Variants in CDK13 observed in about 807,000 individuals in gnomAD.
CDK13 encodes cyclin dependent kinase 13.
In CDK13, 40 loss-of-function variants were observed where a neutral mutation model predicts 137.6. That is an observed-to-expected ratio of 0.29 (90% CI 0.23 to 0.38). The LOEUF (loss-of-function observed/expected upper bound fraction) is 0.38, where lower values mean the gene tolerates loss of function less well. CDK13 is among the 10% of genes least tolerant of loss of function. The pLI, the probability that CDK13 is intolerant of heterozygous loss-of-function variation, is 1.00. For synonymous variants in CDK13, 869 were observed against 760.1 expected (o/e 1.14, Z -2.36); for missense variants, 1,704 against 1,951.8 (o/e 0.87, Z 2.39).
At chr7:39,996,892 A>T (rs1438135677) in intron 2 of CDK13, among the ~76,000 whole-genome samples, 2 of 132,308 alleles carry the variant, frequency 1.5e-5, no homozygotes, top group East Asian at 5.5e-4. Flanking sequence ...TGAACCCAGG[A>T]GGTGGAGGTT....
In CDK13 at chr7:39,951,124, G is replaced by C. The variant is rs1459641184; in HGVS notation, c.483G>C (p.Gly161=). Residue 161 remains glycine, a synonymous_variant, in exon 1 of 14, where the codon GGG becomes GGC. Transcript: ENST00000181839. Reference sequence around the variant, plus strand: ...CCGAGCAGGGGCTGCTGCTGGGGGGGGCCAGCGCGGCAACGGCGGCGACGG... The same window carrying C: ...CCGAGCAGGGGCTGCTGCTGGGGGGCGCCAGCGCGGCAACGGCGGCGACGG... The part of the protein sequence containing the change: ...SQSEQGLLLG[G]ASAATAATAA... 3.2e-6 allele frequency: 4 copies of C among 1,244,122 alleles called. No homozygotes were observed. The highest frequency in any genetic ancestry group is 4.0e-6 in the Non-Finnish European group (4 of 995,412). 77.1% of individuals were successfully genotyped at this position (1,244,122 alleles called of 1,614,324 possible).
chr7:40,078,492 G>C (rs574674608), intron 10 of CDK13: 265 of 275,334 alleles, frequency 9.6e-4, no homozygotes, highest in African/African-American at 5.4e-3. Context: ...ATATACTATT[G>C]TTTAGAAAGT....
Position 39,951,145 on chromosome 7 carries a change from G to T in CDK13, c.504G>T (p.Ala168=). The T allele has an allele frequency of 8.0e-7, 1 of 1,242,604 alleles. No individual in the cohort carries two copies. The highest frequency in any genetic ancestry group is 3.8e-5 in the South Asian group (1 of 26,604). 77.0% of individuals were successfully genotyped at this position (1,242,604 alleles called of 1,614,324 possible). A position where few individuals can be genotyped will look rare whatever the true frequency, so the allele number is the denominator to read the frequency against. Residue 168 remains alanine (A), a synonymous_variant, in exon 1 of 14, where the codon GCG becomes GCT. Transcript: ENST00000181839. ...GGGGGGCCAGCGCGGCAACGGCGGC[G>T]ACGGCTGCCGGGGGAACGGGGGGCA... is the stretch of plus-strand genomic sequence containing the variant. ...LLGGASAATA[A]TAAGGTGGSG... is the part of the protein sequence containing the mutation.
rs374176501 is a variant in CDK13 at position 40,037,182 on chromosome 7, C to T, written c.2354-8654C>T. 2.8e-4 allele frequency among the ~76,000 whole-genome samples: 43 copies of T among 152,230 alleles called. No individual in the cohort carries two copies. In the South Asian group the frequency reaches 5.6e-3, roughly 20 times the overall value. On this transcript the variant is annotated intron_variant, in intron 5 of 13. Transcript: ENST00000181839. ...TTTAGATACAAATTCAATTCTTTGG[C>T]AGTTGTACTTAAAAGATTATGGTAG...
At chr7:40,008,967 G>A (rs1375241812) in intron 5 of CDK13, among the ~76,000 whole-genome samples, 2 of 152,172 alleles carry the variant, frequency 1.3e-5, no homozygotes, top group African/African-American at 4.8e-5. Context: ...GCATAGTACT[G>A]TTACTGTGTA....
At chr7:40,073,415 G>A (rs1786465531) in intron 9 of CDK13, among the ~76,000 whole-genome samples, 1 of 152,020 alleles carries the variant, frequency 6.6e-6, no homozygotes, top group Non-Finnish European at 1.5e-5. Context: ...TGAGATGGGA[G>A]GATTGCTGGA....
intron 1 of CDK13, among the ~76,000 whole-genome samples, chr7:39,955,923 A>G (rs755665524): frequency 1.3e-5 from 2 of 152,168 alleles, no homozygotes; most frequent in Non-Finnish European, 2.9e-5. Context: ...ACCAAGAAGC[A>G]CAGAAGCATT....
rs762982097 is a variant in CDK13, at chr7:40,092,812, A to G, written c.3263A>G (p.Asn1088Ser). 12 of 1,614,032 alleles carry G rather than the reference A, an allele frequency of 7.4e-6. No homozygotes were observed. The highest frequency in any genetic ancestry group is 2.7e-5 in the African/African-American group (2 of 74,914). Residue 1088 changes from asparagine to serine, a missense_variant, in exon 13 of 14, where the codon AAC (asparagine) becomes AGC (serine). Transcript: ENST00000181839. The stretch of plus-strand genomic sequence containing the variant: ...AAAACAGGCCCTGGACAGCACTTAA[A>G]CCACAGTGAATTGGCAATTCTACTA... ...PVKTGPGQHL[N>S]HSELAILLNL...
chr7:40,009,742 G>C (rs902589967), intron 5 of CDK13, among the ~76,000 whole-genome samples: 1 of 152,110 alleles, frequency 6.6e-6, no homozygotes, highest in Non-Finnish European at 1.5e-5. Context: ...CAAATCCAGG[G>C]TACACTCAGC....
chr7:40,079,133 T>C (rs867156831), intron 11 of CDK13, among the ~76,000 whole-genome samples: 4 of 151,454 alleles, frequency 2.6e-5, no homozygotes, highest in Non-Finnish European at 5.9e-5. Context: ...AAGAAAATAT[T>C]ACTGCTGCCG....
chr7:40,016,837 A>C (rs1785014596), intron 5 of CDK13, among the ~76,000 whole-genome samples: 1 of 152,196 alleles, frequency 6.6e-6, no homozygotes, highest in Admixed American at 6.5e-5. Context: ...TAGTGTTTTA[A>C]AAAATTTTTC....
chr7:40,021,154 A>ACAC (rs1562733257), intron 5 of CDK13, among the ~76,000 whole-genome samples: 1 of 111,928 alleles, frequency 8.9e-6, no homozygotes. Flanking sequence ...CACACACATA[A>ACAC]AGTTTTAAGT....
Position 40,021,259 on chromosome 7 carries a change from G to A in CDK13, c.2353+19228G>A, listed in dbSNP as rs533880971. Among the ~76,000 whole-genome samples, 11 of 152,264 alleles carry A rather than the reference G, an allele frequency of 7.2e-5. 1 individual carries two copies. Among genetic ancestry groups the A allele is most frequent in the South Asian group, 6.2e-4 (3 of 4,830 alleles). ...CGCCTGTAATCCCAGCACTTTGGGA[G>A]GCTGAGGCGGGTGGATCACTTGAGG... On this transcript the variant is annotated intron_variant, in intron 5 of 13. Coordinates refer to ENST00000181839, the MANE Select transcript of CDK13 (RefSeq NM_003718.5).
At chr7:39,982,432 T>C (rs924214009) in intron 1 of CDK13, among the ~76,000 whole-genome samples, 27 of 152,112 alleles carry the variant, frequency 1.8e-4, no homozygotes, top group Non-Finnish European at 7.3e-5. Flanking sequence ...ACATTTGGGT[T>C]GGTTCCAAGT....
chr7:40,017,946 A>G (rs1034049921), intron 5 of CDK13, among the ~76,000 whole-genome samples: 4 of 149,910 alleles, frequency 2.7e-5, no homozygotes, highest in South Asian at 2.1e-4. Flanking sequence ...TTAAATTCCC[A>G]CATGTTCTGA....
chr7:40,056,737 A>C (rs1786028241), intron 7 of CDK13, among the ~76,000 whole-genome samples: 1 of 152,348 alleles, frequency 6.6e-6, no homozygotes, highest in East Asian at 1.9e-4. Context: ...AGGTAGTGGA[A>C]AGACAGATTA....
chr7:40,003,227 T>TCTC (rs1784731983), intron 5 of CDK13, among the ~76,000 whole-genome samples: 319 of 84,104 alleles, frequency 3.8e-3, no homozygotes, highest in African/African-American at 0.018. Flanking sequence ...CTCTCTCTCT[T>TCTC]ACTCTGTTGA....
At chr7:40,002,556 C>A (rs1439028447) in intron 5 of CDK13, among the ~76,000 whole-genome samples, 1 of 152,060 alleles carries the variant, frequency 6.6e-6, no homozygotes, top group Non-Finnish European at 1.5e-5. Context: ...TATTATAGGG[C>A]ATATGATGGG....
Position 39,990,100 on chromosome 7 carries a change from T to C in CDK13, c.1871+1842T>C, listed in dbSNP as rs1348797197. Among the ~76,000 whole-genome samples the C allele has an allele frequency of 2.0e-5, 3 of 152,176 alleles. No homozygotes were observed. In the East Asian group the frequency reaches 5.8e-4, roughly 29 times the overall value. ...CGCCCAACCTACTTTATTCTTCATG[T>C]ATGCTTTAGGAGTAAATTTTTACTA... On this transcript the variant is annotated intron_variant, in intron 2 of 13. Transcript: ENST00000181839.
Sources: gnomAD v4.1 joint callset for allele counts (sites outside exome capture counted in the v4.1 genomes callset) on GRCh38, gnomAD v4.1.1 for gene constraint, MANE v1.5 for transcripts, NCBI Gene and HGNC (gene_info 2026-07-23, HGNC 2026-07-21) for gene names.